ABCD4: variants seen among roughly 807,000 people sequenced by gnomAD.
ABCD4 encodes the protein lysosomal cobalamin transporter ABCD4.
A neutral mutation model predicts 86.3 loss-of-function variants in ABCD4; 53 were observed. The ratio of observed to expected loss-of-function variants is 0.61; its 90% CI spans 0.49 to 0.77. ABCD4 has a LOEUF of 0.77. Ranked by LOEUF, ABCD4 falls within the 30% of genes least tolerant of loss-of-function variation. The probability of loss-of-function intolerance (pLI) is 0.00; values close to 1 mark genes in which losing one functional copy is unlikely to be tolerated. For synonymous variants in ABCD4, 328 were observed against 313.6 expected, an observed-to-expected ratio of 1.05 and a Z score of -0.49; for missense variants, 757 against 764.5, an observed-to-expected ratio of 0.99 and a Z score of 0.12.
intron 1 of ABCD4, among the ~76,000 whole-genome samples, chr14:74,301,032 T>C (rs1162477642): frequency 6.6e-6 from 1 of 152,116 alleles, no homozygotes; most frequent in Non-Finnish European, 1.5e-5. Flanking sequence ...TTTGTATTTT[T>C]AGTAGGAGAC....
In ABCD4 at chr14:74,287,863, TC is replaced by T. The variant is rs756778186; in HGVS notation, c.1582del (p.Glu528ArgfsTer27). The T allele has an allele frequency of 4.3e-6, 7 of 1,613,022 alleles. No individual in the cohort carries two copies. Among genetic ancestry groups the T allele is most frequent in the Non-Finnish European group, 5.1e-6 (6 of 1,179,558 alleles). On this transcript the variant is annotated frameshift_variant, in exon 17 of 19. Coordinates refer to ENST00000356924, the MANE Select transcript of ABCD4 (RefSeq NM_005050.4). LOFTEE classifies it high-confidence loss of function. ...TCGGGCAAAGGAGAGCCGTTGCATC[TC>T]CCCCGGGGACAGAACATCATACCTG... is the stretch of plus-strand genomic sequence containing the variant. ...WNWYDVLSPG[E>X]MQRLSFARLF...
chr14:74,286,651 A>G (rs867822700), intron 18 of ABCD4, 50 bp downstream of exon 18: 6 of 1,613,246 alleles, frequency 3.7e-6, no homozygotes, highest in South Asian at 1.1e-5. Flanking sequence ...GGCCAGGCTG[A>G]GCCTTTGGGT....
chr14:74,300,340 C>A, intron 1 of ABCD4, 72 bp from the exon 2 acceptor site: 2 of 986,492 alleles, frequency 2.0e-6, no homozygotes, highest in South Asian at 2.7e-5. Flanking sequence ...TTATTAAGCT[C>A]ATCCACATTG....
intron 11 of ABCD4, among the ~76,000 whole-genome samples, chr14:74,291,853 A>G (rs2081566684): frequency 6.6e-6 from 1 of 152,236 alleles, no homozygotes; most frequent in Admixed American, 6.5e-5. Flanking sequence ...TAATCTGCCC[A>G]AGGAAAGTGT....
Position 74,292,576 on chromosome 14 carries a change from A to G in ABCD4, c.1003T>C (p.Ser335Pro). The change falls in exon 10 of 19, where the codon TCA becomes CCA. Residue 335 changes from serine (S) to proline (P), a missense_variant. Transcript: ENST00000356924. ...TQLIDLSTTLSDVAGYTHRIG... is the reference protein window; with the variant it reads ...TQLIDLSTTLPDVAGYTHRIG... ...CTGTGCGTGTAGCCAGCCACATCTG[A>G]GAGCGTCGTGGACAGGTCGATGAGC... 1 of 1,614,070 alleles carries G rather than the reference A, an allele frequency of 6.2e-7. No individual in the cohort carries two copies. Among genetic ancestry groups the G allele is most frequent in the Non-Finnish European group, 8.5e-7 (1 of 1,180,006 alleles).
rs775788327 is a variant in ABCD4, at chr14:74,295,213, G to A, written c.669-15C>T. On this transcript the variant is annotated splice_polypyrimidine_tract_variant and intron_variant, in intron 6 of 18. Coordinates refer to ENST00000356924, the MANE Select transcript of ABCD4 (RefSeq NM_005050.4). ...TGTGCTTGAACCTGGGCGGACCAAA[G>A]GGAAATGTGTGCTGACAACAGGGAG... 9.3e-6 allele frequency: 15 copies of A among 1,614,206 alleles called. No individual in the cohort carries two copies. Among genetic ancestry groups the A allele is most frequent in the Middle Eastern group, 1.6e-4 (1 of 6,062 alleles).
At chr14:74,288,049 G>T in intron 16 of ABCD4, 158 bp downstream of exon 16, 1 of 1,051,564 alleles carries the variant, frequency 9.5e-7, no homozygotes, top group Non-Finnish European at 1.4e-6. Flanking sequence ...CACAGAGTGA[G>T]GCAAAACTCT....
At chr14:74,302,547 G>A (rs768051311) in intron 1 of ABCD4, among the ~76,000 whole-genome samples, 6 of 152,180 alleles carry the variant, frequency 3.9e-5, no homozygotes, top group Non-Finnish European at 8.8e-5. Flanking sequence ...TTGGCCCACA[G>A]GGTGTCAAGA....
rs1349388678 is a variant in ABCD4, at chr14:74,297,967, A to C, written c.388T>G (p.Tyr130Asp). 3.1e-6 allele frequency: 5 copies of C among 1,614,040 alleles called. No homozygotes were observed. Among genetic ancestry groups the C allele is most frequent in the Admixed American group, 1.7e-5 (1 of 59,964 alleles). Residue 130 changes from tyrosine to aspartate, a missense_variant, in exon 4 of 19, where the codon TAC becomes GAC. Transcript: ENST00000356924. ...HRLYFRGRAY[Y>D]TLNVLRDDID... ...TCATCCCGCAGCACGTTGAGGGTGT[A>C]GTACGCACGGCCCCGGAAGTAGAGG... is the stretch of plus-strand genomic sequence containing the variant.
At position 74,298,124 on chromosome 14, in the gene ABCD4, C is replaced by T. The variant is rs536017814; in HGVS notation, c.286-55G>A. ...AGAGATGGCTTCCTGAAAATCTCAG[C>T]TCAAAGCTCAAGGCTCGCAAGAGCC... On this transcript the variant is annotated intron_variant, in intron 3 of 18. Coordinates refer to ENST00000356924, the MANE Select transcript of ABCD4 (RefSeq NM_005050.4). 6 of 1,592,834 alleles carry T rather than the reference C, an allele frequency of 3.8e-6. No individual in the cohort carries two copies. In the East Asian group the frequency reaches 1.4e-4, roughly 36 times the overall value.
At position 74,289,557 on chromosome 14, in the gene ABCD4, GAGCAA is replaced by G; in HGVS notation, c.1420-43_1420-39del. 7 of 1,610,724 alleles carry G rather than the reference GAGCAA, an allele frequency of 4.3e-6. No individual in the cohort carries two copies. The African/African-American group carries it at 5.3e-5, about 12-fold the overall frequency. On this transcript the variant is annotated intron_variant, in intron 13 of 18. Transcript: ENST00000356924. ...AAAAACCACACCAACCTAGGAGGGC[GAGCAA>G]AAGACGGAGCTGCACACAGCCCACC...
Position 74,289,878 on chromosome 14 carries a change from T to C in ABCD4, c.1419+149A>G, listed in dbSNP as rs559390833. On this transcript the variant is annotated intron_variant, in intron 13 of 18. Transcript: ENST00000356924. ...TCCATGGATGTGAATAGAAGGTTCT[T>C]AGAGCCAGCAGTTCCCAGGCCCGGG... 1.3e-5 allele frequency: 19 copies of C among 1,484,534 alleles called. 1 individual carries two copies. In the South Asian group the frequency reaches 2.0e-4, roughly 15 times the overall value. 92.0% of individuals were successfully genotyped at this position (1,484,534 alleles called of 1,614,324 possible).
chr14:74,293,118 C>G lies in ABCD4; in HGVS notation c.814+36G>C, dbSNP rs764444505. The G allele has an allele frequency of 6.2e-6, 10 of 1,600,682 alleles. No individual in the cohort carries two copies. The East Asian group carries it at 2.2e-4, about 36-fold the overall frequency. On this transcript the variant is annotated intron_variant, in intron 8 of 18. Transcript: ENST00000356924. ...GGGAAGGGAAGCAGACCAGTCCAAC[C>G]CCATGGTTCCCACTTCCCTGGGCCC...
chr14:74,290,480 C>G lies in ABCD4; in HGVS notation c.1138G>C (p.Ala380Pro). 6.2e-7 allele frequency: 1 copy of G among 1,613,568 alleles called. No homozygotes were observed. The highest frequency in any genetic ancestry group is 8.5e-7 in the Non-Finnish European group (1 of 1,180,000). The change falls in exon 12 of 19, where the codon GCA becomes CCA. Residue 380 changes from alanine to proline, a missense_variant. Ala to Pro is a conservative substitution (Grantham distance 27, BLOSUM62 -1). Coordinates refer to ENST00000356924, the MANE Select transcript of ABCD4 (RefSeq NM_005050.4). ...GLDTPPGWPA[A>P]EPADTAFLLE... ...AGAAATGCTGTGTCTGCTGGCTCTG[C>G]CGCTGGCCACCCTGGGGGTCTGTGT... is the stretch of plus-strand genomic sequence containing the variant.
Position 74,288,359 on chromosome 14 carries a change from C to G in ABCD4, c.1507-100G>C, listed in dbSNP as rs1053241922. The G allele has an allele frequency of 2.5e-6, 3 of 1,204,430 alleles. No individual in the cohort carries two copies. The Admixed American group carries it at 6.5e-5, about 26-fold the overall frequency. The allele number at this position is 1,204,430 out of a possible 1,614,324, so 74.6% of individuals were successfully genotyped here. On this transcript the variant is annotated intron_variant, in intron 15 of 18. Coordinates refer to ENST00000356924, the MANE Select transcript of ABCD4 (RefSeq NM_005050.4). ...CACTCCCCAGCATACACACACACCT[C>G]TAAGACAAATATATGCCCCAGTGGC...
At chr14:74,296,193 C>G (rs2082802042) in intron 5 of ABCD4, 140 bp downstream of exon 5, 1 of 1,110,454 alleles carries the variant, frequency 9.0e-7, no homozygotes, top group African/African-American at 1.6e-5. Context: ...AGGGCAGGGG[C>G]CTGAGCACGT....
chr14:74,293,522 C>T, intron 7 of ABCD4: 1 of 339,826 alleles, frequency 2.9e-6, no homozygotes, highest in Non-Finnish European at 5.3e-6. Context: ...GCTACTTAAG[C>T]CTCCAAGCCT....
At chr14:74,302,832 G>C in intron 1 of ABCD4, 43 bp downstream of exon 1, 1 of 1,596,434 alleles carries the variant, frequency 6.3e-7, no homozygotes, top group South Asian at 1.1e-5. Flanking sequence ...CCTACAGCCC[G>C]GAACTCCTGC....
At chr14:74,288,491 C>T (rs887716772) in intron 15 of ABCD4, 33 of 649,238 alleles carry the variant, frequency 5.1e-5, no homozygotes, top group Non-Finnish European at 6.8e-5. Context: ...AAAAGCAAAC[C>T]GCCTTCATCA....
Sources: gnomAD v4.1 joint callset for allele counts (sites outside exome capture counted in the v4.1 genomes callset) on GRCh38, gnomAD v4.1.1 for gene constraint, MANE v1.5 for transcripts, NCBI Gene and HGNC (gene_info 2026-07-23, HGNC 2026-07-21) for gene names.